Variants in DDX19B observed in about 807,000 individuals in gnomAD.
The protein encoded by DDX19B is DEAD-box helicase 19B.
A neutral mutation model predicts 58.1 loss-of-function variants in DDX19B; 27 were observed. The ratio of observed to expected loss-of-function variants is 0.46; its 90% confidence interval spans 0.34 to 0.64. The LOEUF (loss-of-function observed/expected upper bound fraction) is 0.64, where lower values mean the gene tolerates loss of function less well. Ranked by LOEUF, DDX19B falls within the 30% of genes least tolerant of loss-of-function variation. The pLI is 0.01. For missense variants in DDX19B, 399 were observed against 596.5 expected, an observed-to-expected ratio of 0.67 and a Z score of 3.45; for synonymous variants, 187 against 214.4, an observed-to-expected ratio of 0.87 and a Z score of 1.12.
At chr16:70,290,424 G>A (rs1432252855), upstream of DDX19B, among the ~76,000 whole-genome samples, 1 of 152,168 alleles carries the variant, frequency 6.6e-6, no homozygotes, top group Admixed American at 6.5e-5. Context: ...CCACTCGGGA[G>A]GCTGAGGCAA....
chr16:70,328,899 G>T (rs962521016), intron 7 of DDX19B, among the ~76,000 whole-genome samples: 5 of 151,842 alleles, frequency 3.3e-5, no homozygotes, highest in African/African-American at 1.2e-4. Context: ...ATTTCTCAGA[G>T]AGAAGAGCTG....
rs1963550894 is a variant in DDX19B, at chr16:70,332,900, G to A, written c.1187-68G>A. The A allele has an allele frequency of 1.9e-6, 3 of 1,613,296 alleles. No individual in the cohort carries two copies. In the East Asian group the frequency reaches 6.7e-5, roughly 36 times the overall value. Reference sequence around the variant, plus strand: ...AATGCTGAGTCATGCTCCATTGTATGGATGGACCACATGACTGATTTGCCT... The same window carrying A: ...AATGCTGAGTCATGCTCCATTGTATAGATGGACCACATGACTGATTTGCCT... On this transcript the variant is annotated intron_variant, in intron 10 of 11. Transcript: ENST00000288071.
intron 1 of DDX19B, 106 bp downstream of exon 1, chr16:70,299,460 C>T (rs1252456232): frequency 8.3e-6 from 11 of 1,318,352 alleles, no homozygotes; most frequent in East Asian, 5.6e-5. Context: ...GATGGGGTGG[C>T]GGGGAGGATA....
At chr16:70,295,186 C>A, upstream of DDX19B, 1 of 763,732 alleles carries the variant, frequency 1.3e-6, no homozygotes, top group Middle Eastern at 4.4e-4. Context: ...TCTTTCCACG[C>A]CCGCTTTGGA....
At chr16:70,323,100 TTTG>T (rs1567634625) in intron 5 of DDX19B, among the ~76,000 whole-genome samples, 1 of 152,082 alleles carries the variant, frequency 6.6e-6, no homozygotes, top group Non-Finnish European at 1.5e-5. Flanking sequence ...TTTTTTGTTT[TTTG>T]TTTTTTTGAG....
upstream of DDX19B, among the ~76,000 whole-genome samples, chr16:70,295,928 T>A (rs1341297529): frequency 1.3e-5 from 2 of 151,600 alleles, no homozygotes; most frequent in African/African-American, 4.8e-5. Context: ...GGATAAAGCA[T>A]ACTCAATCCA....
Position 70,333,569 on chromosome 16 carries a change from A to G in DDX19B, c.1427A>G (p.Lys476Arg), listed in dbSNP as rs1963596029. The stretch of plus-strand genomic sequence containing the variant: ...ACAGATGATTTGGACGAGATTGAGA[A>G]AATAGCCAACTGAGAAGCTCCACCA... ...LDTDDLDEIE[K>R]IAN The change falls in exon 12 of 12, where the codon AAA becomes AGA. Residue 476 changes from lysine (K) to arginine (R), a missense_variant. Transcript: ENST00000288071. The G allele has an allele frequency of 6.2e-7, 1 of 1,613,886 alleles. No individual in the cohort carries two copies. The highest frequency in any genetic ancestry group is 1.1e-5 in the South Asian group (1 of 91,082).
rs1210930875 is a variant in DDX19B at position 70,334,176 on chromosome 16, C to G, written c.*594C>G. 1 of 159,186 alleles carries G rather than the reference C, an allele frequency of 6.3e-6. No individual in the cohort carries two copies. Among genetic ancestry groups the G allele is most frequent in the Non-Finnish European group, 1.4e-5 (1 of 72,736 alleles). The allele number at this position is 159,186 out of a possible 1,614,324, so 9.9% of individuals were successfully genotyped here. On this transcript the variant is annotated 3_prime_UTR_variant, in exon 12 of 12. Transcript: ENST00000288071. ...AGCAGAAGGGAATTTGTTAAATAAG[C>G]ATGGACCAAAATGCCAACCTCTCGG...
At chr16:70,314,094 G>A (rs1325544211) in intron 2 of DDX19B, among the ~76,000 whole-genome samples, 3 of 151,928 alleles carry the variant, frequency 2.0e-5, no homozygotes, top group Non-Finnish European at 4.4e-5. Flanking sequence ...GGGTAAGAGT[G>A]AGACTGCATC....
intron 7 of DDX19B, 88 bp downstream of exon 7, chr16:70,325,776 C>T (rs1963112552): frequency 1.0e-6 from 1 of 956,688 alleles, no homozygotes; most frequent in African/African-American, 1.6e-5. Flanking sequence ...TGAAATAATA[C>T]AATAAACACA....
intron 1 of DDX19B, among the ~76,000 whole-genome samples, chr16:70,312,083 G>A (rs1294229068): frequency 6.6e-6 from 1 of 152,006 alleles, no homozygotes; most frequent in African/African-American, 2.4e-5. Context: ...CTCGTGATCT[G>A]CCTGCCTGAG....
intron 9 of DDX19B, among the ~76,000 whole-genome samples, chr16:70,330,826 C>G (rs915185582): frequency 1.3e-5 from 2 of 151,996 alleles, no homozygotes; most frequent in Non-Finnish European, 2.9e-5. Flanking sequence ...GGGGGATCTT[C>G]TTGAGCCCAG....
upstream of DDX19B, among the ~76,000 whole-genome samples, chr16:70,292,970 G>C (rs1961098527): frequency 6.6e-6 from 1 of 152,016 alleles, no homozygotes; most frequent in African/African-American, 2.4e-5. Context: ...TCTGGGTGTG[G>C]TGGCGGCCAC....
At chr16:70,296,862 A>G (rs1961243303), upstream of DDX19B, among the ~76,000 whole-genome samples, 1 of 152,162 alleles carries the variant, frequency 6.6e-6, no homozygotes, top group Non-Finnish European at 1.5e-5. Flanking sequence ...CTCTTACAGT[A>G]CTGGTAAAAT....
chr16:70,325,823 T>C lies in DDX19B; in HGVS notation c.607+135T>C, dbSNP rs1567636439. The C allele has an allele frequency of 7.0e-6, 5 of 715,446 alleles. No homozygotes were observed. In the East Asian group the frequency reaches 1.3e-4, roughly 19 times the overall value. The allele number at this position is 715,446 out of a possible 1,614,324, so 44.3% of individuals were successfully genotyped here. On this transcript the variant is annotated intron_variant, in intron 7 of 11. Transcript: ENST00000288071. ...CAGCTAGATTCAAAAACTTAACATT[T>C]TGCCATATTTGCTTTACATAAATGT...
chr16:70,305,964 C>T (rs909718301), intron 1 of DDX19B, among the ~76,000 whole-genome samples: 6 of 151,940 alleles, frequency 3.9e-5, no homozygotes, highest in Non-Finnish European at 8.8e-5. Context: ...GAGGTTTCAC[C>T]GTGTTAGCCA....
At chr16:70,296,900 T>TTTTG (rs1385407344), upstream of DDX19B, among the ~76,000 whole-genome samples, 15 of 151,972 alleles carry the variant, frequency 9.9e-5, no homozygotes, top group African/African-American at 3.4e-4. Flanking sequence ...ATGGCTTGAT[T>TTTTG]TTTGTTTGTT....
intron 1 of DDX19B, 112 bp from the exon 2 acceptor site, chr16:70,312,497 A>AC (rs1455620079): frequency 2.2e-6 from 2 of 914,288 alleles, no homozygotes; most frequent in African/African-American, 1.7e-5. Context: ...TAATGAATAT[A>AC]CCTTGAGAAT....
intron 1 of DDX19B, among the ~76,000 whole-genome samples, chr16:70,309,412 G>A (rs1473888178): frequency 4.6e-5 from 7 of 151,994 alleles, no homozygotes; most frequent in Non-Finnish European, 8.8e-5. Context: ...GGAGAATGGC[G>A]TGAACCTGGG....
Sources: allele counts gnomAD v4.1 joint callset (sites outside exome capture counted in the v4.1 genomes callset), GRCh38; gene constraint gnomAD v4.1.1; transcripts MANE v1.5; gene names NCBI Gene and HGNC (gene_info 2026-07-23, HGNC 2026-07-21).